CLEC5A: variants seen among roughly 807,000 people sequenced by gnomAD.
CLEC5A encodes the protein C-type lectin domain family 5 member A.
CLEC5A carries 15 observed loss-of-function variants against 24.4 expected under a neutral mutation model. The ratio of observed to expected loss-of-function variants is 0.62; its 90% CI spans 0.41 to 0.95. The LOEUF is 0.95. Among genes scored for constraint, CLEC5A ranks in the 40% least tolerant of loss-of-function variants. The probability of loss-of-function intolerance (pLI) is 0.00; values close to 1 mark genes in which losing one functional copy is unlikely to be tolerated. For missense variants in CLEC5A, 211 were observed against 224.0 expected (o/e 0.94, Z 0.37); for synonymous variants, 71 against 72.6 (o/e 0.98, Z 0.11).
intron 5 of CLEC5A, among the ~76,000 whole-genome samples, chr7:141,933,441 C>A (rs1003428860): frequency 1.5e-4 from 22 of 151,550 alleles, no homozygotes; most frequent in African/African-American, 2.9e-4. Context: ...GTTTGAGAGA[C>A]AAGGCTGGAG....
chr7:141,930,676 G>T (rs1005816092), intron 6 of CLEC5A, among the ~76,000 whole-genome samples: 6 of 152,174 alleles, frequency 3.9e-5, no homozygotes, highest in Non-Finnish European at 7.3e-5. Context: ...GGTATTTGTT[G>T]GCTCTCCCAC....
Position 141,939,969 on chromosome 7 carries a change from T to C in CLEC5A, c.208+3927A>G, listed in dbSNP as rs112569060. 4.4e-3 allele frequency among the ~76,000 whole-genome samples: 663 copies of C among 152,176 alleles called. 5 individuals are homozygous for C. The highest frequency in any genetic ancestry group is 0.015 in the African/African-American group (637 of 41,566). On this transcript the variant is annotated intron_variant, in intron 4 of 6. Transcript: ENST00000546910. ...TTATTAGAGCTAAAGAAATAGATAG[T>C]CTCCAATATAATAATAGCTGGAGAG...
chr7:141,930,255 CA>C lies in CLEC5A; in HGVS notation c.453-38del, dbSNP rs1563072677. On this transcript the variant is annotated intron_variant, in intron 6 of 6. Coordinates refer to ENST00000546910, the MANE Select transcript of CLEC5A (RefSeq NM_013252.3). The stretch of plus-strand genomic sequence containing the variant: ...AACAAAACAAAACAAAACAAACAAA[CA>C]AAAAACAAAGCATGGTGATGGCCCA... The C allele has an allele frequency of 2.7e-6, 4 of 1,494,376 alleles. No homozygotes were observed. The South Asian group carries it at 3.4e-5, about 13-fold the overall frequency. 92.6% of individuals were successfully genotyped at this position (1,494,376 alleles called of 1,614,324 possible).
At chr7:141,934,628 T>TG (rs1802564804) in intron 5 of CLEC5A, among the ~76,000 whole-genome samples, 1 of 131,244 alleles carries the variant, frequency 7.6e-6, no homozygotes, top group Non-Finnish European at 1.6e-5. Context: ...TTTTTTTTTT[T>TG]TTTTTTTTTT....
intron 4 of CLEC5A, among the ~76,000 whole-genome samples, chr7:141,936,800 C>T (rs1387445448): frequency 6.6e-6 from 1 of 152,004 alleles, no homozygotes; most frequent in Non-Finnish European, 1.5e-5. Flanking sequence ...CCCTTTCTTT[C>T]TGCTTGAGGA....
At chr7:141,937,111 G>C (rs1312987042) in intron 4 of CLEC5A, among the ~76,000 whole-genome samples, 1 of 151,862 alleles carries the variant, frequency 6.6e-6, no homozygotes, top group African/African-American at 2.4e-5. Flanking sequence ...TTGGGCTTCA[G>C]ATGAAACCCA....
chr7:141,946,427 G>T, intron 1 of CLEC5A, 115 bp from the exon 2 acceptor site: 3 of 885,508 alleles, frequency 3.4e-6, no homozygotes, highest in Non-Finnish European at 5.1e-6. Context: ...TGGAAGACAG[G>T]CATGACATTG....
At chr7:141,935,735 C>CT in intron 5 of CLEC5A, 79 bp downstream of exon 5, 2 of 1,242,906 alleles carry the variant, frequency 1.6e-6, no homozygotes, top group Non-Finnish European at 1.1e-6. Context: ...CATCCCCACT[C>CT]CCCCAAGTTT....
In CLEC5A at chr7:141,936,164, A is replaced by G. The variant is rs138887027; in HGVS notation, c.209-214T>C. ...AGGAGAAGAGCGCAGTGGCTGAATA[A>G]AGTTTCCATTAGTCATCCCCCTACA... On this transcript the variant is annotated intron_variant, in intron 4 of 6. Transcript: ENST00000546910. 1.6e-3 allele frequency: 879 copies of G among 556,000 alleles called. 8 individuals are homozygous for G. The East Asian group carries it at 0.019, about 12-fold the overall frequency. The allele number at this position is 556,000 out of a possible 1,614,324, so 34.4% of individuals were successfully genotyped here.
intron 5 of CLEC5A, among the ~76,000 whole-genome samples, chr7:141,934,553 T>C (rs1802557366): frequency 6.7e-6 from 1 of 149,820 alleles, no homozygotes. Context: ...GAGCTGGAGA[T>C]ACAGACTTGC....
Position 141,936,821 on chromosome 7 carries a change from A to G in CLEC5A, c.209-871T>C, listed in dbSNP as rs112513655. Among the ~76,000 whole-genome samples the G allele has an allele frequency of 4.3e-3, 660 of 152,064 alleles. 5 individuals are homozygous for G. The highest frequency in any genetic ancestry group is 0.015 in the African/African-American group (634 of 41,466). ...CTTTCTGCTTGAGGAGAGGAGAGGGAAGAGTAAAGAGTACTTTGTCTTGCA... is the reference window on the plus strand; with the variant it reads ...CTTTCTGCTTGAGGAGAGGAGAGGGGAGAGTAAAGAGTACTTTGTCTTGCA... On this transcript the variant is annotated intron_variant, in intron 4 of 6. Transcript: ENST00000546910.
chr7:141,927,431 T>C lies in CLEC5A; in HGVS notation c.*2673A>G, dbSNP rs939023503. On this transcript the variant is annotated 3_prime_UTR_variant, in exon 7 of 7. Coordinates refer to ENST00000546910, the MANE Select transcript of CLEC5A (RefSeq NM_013252.3). ...GGATGAACAATACACGAAAGGACAA[T>C]AAAGGGAGAAGGATGAAGGCCAGAT... is the stretch of plus-strand genomic sequence containing the variant. The C allele has an allele frequency of 6.6e-6, 1 of 152,102 alleles. No individual in the cohort carries two copies. Among genetic ancestry groups the C allele is most frequent in the Non-Finnish European group, 1.5e-5 (1 of 68,004 alleles). The allele number at this position is 152,102 out of a possible 1,614,324, so 9.4% of individuals were successfully genotyped here.
Position 141,936,268 on chromosome 7 carries a change from C to T in CLEC5A, c.209-318G>A, listed in dbSNP as rs970092974. The T allele has an allele frequency of 3.1e-4, 106 of 346,638 alleles. 1 individual carries two copies. Among genetic ancestry groups the T allele is most frequent in the Non-Finnish European group, 8.1e-5 (15 of 185,320 alleles). 21.5% of individuals were successfully genotyped at this position (346,638 alleles called of 1,614,324 possible). A position where few individuals can be genotyped will look rare whatever the true frequency, so the allele number is the denominator to read the frequency against. ...GAGAACAAAAAATCAGATGAACACT[C>T]AGTACCTGGATAGCTGAAAGAGGCA... On this transcript the variant is annotated intron_variant, in intron 4 of 6. Coordinates refer to ENST00000546910, the MANE Select transcript of CLEC5A (RefSeq NM_013252.3).
chr7:141,942,622 A>G (rs1802829520), intron 4 of CLEC5A, among the ~76,000 whole-genome samples: 1 of 152,140 alleles, frequency 6.6e-6, no homozygotes, highest in Non-Finnish European at 1.5e-5. Context: ...GGAAACAATC[A>G]ACAAAGTGAA....
chr7:141,945,398 G>A lies in CLEC5A; in HGVS notation c.82C>T (p.Pro28Ser). Residue 28 changes from proline to serine, a missense_variant and splice_region_variant, in exon 3 of 7, where the codon CCA becomes TCA. Pro to Ser is a moderately conservative substitution (Grantham distance 74, BLOSUM62 -1). Transcript: ENST00000546910. ...TCGTTACTTTTGTTAAAAATCTGTG[G>A]GACTGAAAAGAAAATCAGCTGTTGG... ...VGMTLFLLYF[P>S]QIFNKSNDGF... is the part of the protein sequence containing the mutation. 1 of 1,611,654 alleles carries A rather than the reference G, an allele frequency of 6.2e-7. No individual in the cohort carries two copies. Among genetic ancestry groups the A allele is most frequent in the Non-Finnish European group, 8.5e-7 (1 of 1,177,960 alleles).
Position 141,930,047 on chromosome 7 carries a change from G to A in CLEC5A, c.*57C>T, listed in dbSNP as rs1185749823. Reference sequence around the variant, plus strand: ...TAAGTAAAAGAATCATTGGCCAGACGACCTGTATGGATTCAAAAAGAGTTG... The same window carrying A: ...TAAGTAAAAGAATCATTGGCCAGACAACCTGTATGGATTCAAAAAGAGTTG... On this transcript the variant is annotated 3_prime_UTR_variant, in exon 7 of 7. Transcript: ENST00000546910. 12 of 1,345,022 alleles carry A rather than the reference G, an allele frequency of 8.9e-6. No individual in the cohort carries two copies. The highest frequency in any genetic ancestry group is 7.2e-5 in the Admixed American group (4 of 55,886). The allele number at this position is 1,345,022 out of a possible 1,614,324, so 83.3% of individuals were successfully genotyped here. A position where few individuals can be genotyped will look rare whatever the true frequency, so the allele number is the denominator to read the frequency against.
intron 5 of CLEC5A, among the ~76,000 whole-genome samples, chr7:141,933,500 T>C (rs1352703735): frequency 2.0e-5 from 3 of 148,260 alleles, no homozygotes; most frequent in South Asian, 4.3e-4. Flanking sequence ...GTAAGGTACA[T>C]GGATGTGCTT....
In CLEC5A at chr7:141,930,085, T is replaced by C; in HGVS notation, c.*19A>G. ...TCAAAAAGAGTTGCAAGTATAGTTCTTGTCACAGGGAACTGTGATCATTTG... is the reference window on the plus strand; with the variant it reads ...TCAAAAAGAGTTGCAAGTATAGTTCCTGTCACAGGGAACTGTGATCATTTG... On this transcript the variant is annotated 3_prime_UTR_variant, in exon 7 of 7. Coordinates refer to ENST00000546910, the MANE Select transcript of CLEC5A (RefSeq NM_013252.3). 1 of 1,585,144 alleles carries C rather than the reference T, an allele frequency of 6.3e-7. No homozygotes were observed. The highest frequency in any genetic ancestry group is 8.7e-7 in the Non-Finnish European group (1 of 1,154,414).
intron 3 of CLEC5A, among the ~76,000 whole-genome samples, chr7:141,944,209 A>C (rs1354989233): frequency 6.6e-6 from 1 of 152,182 alleles, no homozygotes; most frequent in African/African-American, 2.4e-5. Context: ...ATAGGCATCA[A>C]ATCCTGAGAA....
Sources: gnomAD v4.1 joint callset for allele counts (sites outside exome capture counted in the v4.1 genomes callset) on GRCh38, gnomAD v4.1.1 for gene constraint, MANE v1.5 for transcripts, NCBI Gene and HGNC (gene_info 2026-07-23, HGNC 2026-07-21) for gene names.